The following PHACTR2 variants were observed in gnomAD, a reference collection of about 807,000 sequenced individuals.
The protein encoded by PHACTR2 is phosphatase and actin regulator 2, also known as chromosome 6 open reading frame 56.
PHACTR2 carries 30 observed loss-of-function variants against 76.0 expected under a neutral mutation model. The observed-to-expected ratio is 0.39, with a 90% confidence interval of 0.30 to 0.54. The LOEUF (loss-of-function observed/expected upper bound fraction) is 0.54, where lower values mean the gene tolerates loss of function less well. PHACTR2 is among the 20% of genes least tolerant of loss of function. PHACTR2 has a pLI of 0.61. For missense variants in PHACTR2, 696 were observed against 781.1 expected, an observed-to-expected ratio of 0.89 and a Z score of 1.30; for synonymous variants, 292 against 292.5, an observed-to-expected ratio of 1.00 and a Z score of 0.02.
At chr6:143,723,919 G>A (rs1778499773) in intron 2 of PHACTR2, among the ~76,000 whole-genome samples, 1 of 151,718 alleles carries the variant, frequency 6.6e-6, no homozygotes, top group Non-Finnish European at 1.5e-5. Flanking sequence ...TTCTTTTTGT[G>A]TGGCTTTCTT....
chr6:143,773,082 G>A (rs189281622), intron 7 of PHACTR2, among the ~76,000 whole-genome samples: 6 of 152,208 alleles, frequency 3.9e-5, no homozygotes, highest in East Asian at 1.9e-4. Context: ...GCATGCTAGC[G>A]CACGCCTGTA....
chr6:143,718,970 C>T (rs532691657), intron 2 of PHACTR2, among the ~76,000 whole-genome samples: 2 of 149,686 alleles, frequency 1.3e-5, no homozygotes, highest in Admixed American at 6.7e-5. Flanking sequence ...GCAACCTCTG[C>T]CTCCTGAGTT....
rs181978520 is a variant in PHACTR2, at chr6:143,787,242, A to T, written c.1708-1531A>T. ...GGGACAGTCCTGAGGACAAGACTGG[A>T]TGGAGAATTTCTAACCTATATTGCC... On this transcript the variant is annotated intron_variant, in intron 10 of 12. Transcript: ENST00000440869. This position sits in a 1 kb window ranked among gnomAD's most constrained non-coding sequence, Gnocchi z 4.6. 2.2e-4 allele frequency among the ~76,000 whole-genome samples: 34 copies of T among 152,340 alleles called. No individual in the cohort carries two copies. The highest frequency in any genetic ancestry group is 4.4e-4 in the Non-Finnish European group (30 of 68,034).
chr6:143,720,828 G>T (rs932221580), intron 2 of PHACTR2, among the ~76,000 whole-genome samples: 5 of 152,094 alleles, frequency 3.3e-5, no homozygotes, highest in African/African-American at 1.2e-4. Flanking sequence ...GCCCAGGCTG[G>T]TCTCAAACTC....
Position 143,757,555 on chromosome 6 carries a change from C to G in PHACTR2, c.455-2846C>G, listed in dbSNP as rs1779331309. Among the ~76,000 whole-genome samples, 1 of 152,148 alleles carries G rather than the reference C, an allele frequency of 6.6e-6. No individual in the cohort carries two copies. On this transcript the variant is annotated intron_variant, in intron 4 of 12. Coordinates refer to ENST00000440869, the MANE Select transcript of PHACTR2 (RefSeq NM_001100164.2). This position sits in a 1 kb window ranked among gnomAD's most constrained non-coding sequence, Gnocchi z 4.2. ...CCTTCCAGGGCTCAAAGGAGCCAAGCCTGGAAGTATGGGAAACAGCTTGTT... is the reference window on the plus strand; with the variant it reads ...CCTTCCAGGGCTCAAAGGAGCCAAGGCTGGAAGTATGGGAAACAGCTTGTT...
rs138256820 is a variant in PHACTR2, at chr6:143,751,341, C to T, written c.295+2276C>T. ...TCAACCTAAAAGTTCAGTGATTCGT[C>T]TTCTCTCCTGGGAAGTCTATGATCT... On this transcript the variant is annotated intron_variant, in intron 3 of 12. Coordinates refer to ENST00000440869, the MANE Select transcript of PHACTR2 (RefSeq NM_001100164.2). This position sits in a 1 kb window ranked among gnomAD's most constrained non-coding sequence, Gnocchi z 5.7. 5.9e-5 allele frequency among the ~76,000 whole-genome samples: 9 copies of T among 152,270 alleles called. No individual in the cohort carries two copies. Among genetic ancestry groups the T allele is most frequent in the Non-Finnish European group, 1.2e-4 (8 of 68,012 alleles).
intron 9 of PHACTR2, among the ~76,000 whole-genome samples, chr6:143,779,402 G>T (rs930510739): frequency 8.6e-5 from 13 of 151,112 alleles, no homozygotes; most frequent in Non-Finnish European, 1.0e-4. Context: ...CAGGCTGGAG[G>T]GCAGTGGCAC....
chr6:143,574,104 C>T (rs898025970), intron 1 of PHACTR2, among the ~76,000 whole-genome samples: 3 of 152,146 alleles, frequency 2.0e-5, no homozygotes, highest in African/African-American at 2.4e-5. Flanking sequence ...ATTTTAAGCT[C>T]ATTACACCTG....
intron 1 of PHACTR2, among the ~76,000 whole-genome samples, chr6:143,622,894 T>A (rs1041294260): frequency 2.6e-5 from 4 of 152,184 alleles, no homozygotes; most frequent in African/African-American, 7.2e-5. Flanking sequence ...TTTAAAAAAA[T>A]GTTCTCAAGG....
At position 143,827,345 on chromosome 6, in the gene PHACTR2, C is replaced by T. The variant is rs530206202; in HGVS notation, c.*3656C>T. ...ACAGACACAACTTTCAAAAATCTTACTGTATTCACAATAGAAAAGGGTAGT... is the reference window on the plus strand; with the variant it reads ...ACAGACACAACTTTCAAAAATCTTATTGTATTCACAATAGAAAAGGGTAGT... On this transcript the variant is annotated 3_prime_UTR_variant, in exon 13 of 13. Coordinates refer to ENST00000440869, the MANE Select transcript of PHACTR2 (RefSeq NM_001100164.2). 6.6e-5 allele frequency: 10 copies of T among 151,634 alleles called. No homozygotes were observed. The East Asian group carries it at 1.9e-3, about 29-fold the overall frequency. The allele number at this position is 151,634 out of a possible 1,614,324, so 9.4% of individuals were successfully genotyped here. A position where few individuals can be genotyped will look rare whatever the true frequency, so the allele number is the denominator to read the frequency against.
At position 143,803,285 on chromosome 6, in the gene PHACTR2, C is replaced by T. The variant is rs1476894219; in HGVS notation, c.1846-3772C>T. 6.6e-6 allele frequency among the ~76,000 whole-genome samples: 1 copy of T among 152,214 alleles called. No homozygotes were observed. The highest frequency in any genetic ancestry group is 1.5e-5 in the Non-Finnish European group (1 of 68,044). ...AATAGAGGCCGATTGCAGTGGCTCACGCCTGTAGTTCCAGCACTTTGGGAG... is the reference window on the plus strand; with the variant it reads ...AATAGAGGCCGATTGCAGTGGCTCATGCCTGTAGTTCCAGCACTTTGGGAG... On this transcript the variant is annotated intron_variant, in intron 11 of 12. Coordinates refer to ENST00000440869, the MANE Select transcript of PHACTR2 (RefSeq NM_001100164.2). The surrounding 1 kb of genome is among the most constrained non-coding windows in gnomAD (Gnocchi z 4.7).
chr6:143,567,121 A>G (rs34373782), intron 1 of PHACTR2, among the ~76,000 whole-genome samples: 93,161 of 151,884 alleles, frequency 0.61, 28,906 homozygotes, highest in Middle Eastern at 0.72. Flanking sequence ...CTCTCTTGTC[A>G]CTGTAACACT....
chr6:143,579,561 A>C (rs1399681767), intron 1 of PHACTR2, among the ~76,000 whole-genome samples: 1 of 152,044 alleles, frequency 6.6e-6, no homozygotes, highest in Non-Finnish European at 1.5e-5. Context: ...GCTGTGATGA[A>C]AGAGCCCAAG....
At chr6:143,650,265 C>A (rs750058968) in intron 1 of PHACTR2, among the ~76,000 whole-genome samples, 1 of 152,118 alleles carries the variant, frequency 6.6e-6, no homozygotes, top group Non-Finnish European at 1.5e-5. Context: ...CCATACTGCT[C>A]AGAGGGATTT....
chr6:143,704,758 G>GTGTC (rs928420660), intron 1 of PHACTR2, among the ~76,000 whole-genome samples: 2 of 152,080 alleles, frequency 1.3e-5, no homozygotes, highest in Non-Finnish European at 2.9e-5. Flanking sequence ...TGTAGCAGTG[G>GTGTC]TGTCTCCTTA....
At position 143,710,580 on chromosome 6, in the gene PHACTR2, C is replaced by T. The variant is rs1778151816; in HGVS notation, c.47-1436C>T. The stretch of plus-strand genomic sequence containing the variant: ...TGGTGGCATGTGCCTGTAGTCAGTC[C>T]CAGCTGCTTGGGAGGCTGAGGCAGG... On this transcript the variant is annotated intron_variant, in intron 1 of 12. Transcript: ENST00000440869. The surrounding 1 kb of genome is among the most constrained non-coding windows in gnomAD (Gnocchi z 4.9). Among the ~76,000 whole-genome samples, 1 of 152,054 alleles carries T rather than the reference C, an allele frequency of 6.6e-6. No individual in the cohort carries two copies. The highest frequency in any genetic ancestry group is 1.5e-5 in the Non-Finnish European group (1 of 68,012).
At position 143,750,172 on chromosome 6, in the gene PHACTR2, A is replaced by G. The variant is rs955649713; in HGVS notation, c.295+1107A>G. Among the ~76,000 whole-genome samples the G allele has an allele frequency of 4.6e-5, 7 of 152,306 alleles. No individual in the cohort carries two copies. Among genetic ancestry groups the G allele is most frequent in the Admixed American group, 4.6e-4 (7 of 15,302 alleles). On this transcript the variant is annotated intron_variant, in intron 3 of 12. Coordinates refer to ENST00000440869, the MANE Select transcript of PHACTR2 (RefSeq NM_001100164.2). This position sits in a 1 kb window ranked among gnomAD's most constrained non-coding sequence, Gnocchi z 4.6. ...GAAAGTAGGGAACTCTGCAGTGAAT[A>G]GTAGCATTTTCTTAAGCCCTCGCAA... is the stretch of plus-strand genomic sequence containing the variant.
chr6:143,740,920 T>C (rs1260428143), intron 2 of PHACTR2, among the ~76,000 whole-genome samples: 1 of 152,196 alleles, frequency 6.6e-6, no homozygotes, highest in Non-Finnish European at 1.5e-5. Context: ...TTAGTCTCTG[T>C]AAGTCTCAAT....
At chr6:143,814,119 G>A (rs1460659491) in intron 12 of PHACTR2, among the ~76,000 whole-genome samples, 1 of 152,216 alleles carries the variant, frequency 6.6e-6, no homozygotes, top group Non-Finnish European at 1.5e-5. Context: ...ACTTTGGGGG[G>A]CCGTGGCCAG....
Sources: gnomAD v4.1 joint callset for allele counts (sites outside exome capture counted in the v4.1 genomes callset) on GRCh38, gnomAD v4.1.1 for gene constraint, Gnocchi (gnomAD v3.1) non-coding constraint, MANE v1.5 for transcripts, NCBI Gene and HGNC (gene_info 2026-07-23, HGNC 2026-07-21) for gene names.